Variants in GAGE10 observed in about 807,000 individuals in gnomAD.
The protein encoded by GAGE10 is G antigen 10.
In GAGE10, 9 loss-of-function variants were observed where a neutral mutation model predicts 11.5. The ratio of observed to expected loss-of-function variants is 0.78; its 90% confidence interval spans 0.47 to 1.37. The LOEUF is 1.37. Among genes scored for constraint, GAGE10 ranks in the 40% most tolerant of loss-of-function variants. GAGE10 has a pLI of 0.00. For missense variants in GAGE10, 83 were observed against 92.9 expected (o/e 0.89, Z 0.44); for synonymous variants, 23 against 29.7 (o/e 0.77, Z 0.73).
chrX:49,304,465 G>A (rs1850761115), intron 1 of GAGE10, among the ~76,000 whole-genome samples: 1 of 113,028 alleles, frequency 8.8e-6, no homozygotes, highest in African/African-American at 3.2e-5. Flanking sequence ...TGCCAGTGGG[G>A]CGCCATGGCC....
chrX:49,315,332 G>T (rs1320288062), intron 3 of GAGE10, among the ~76,000 whole-genome samples: 1 of 112,003 alleles, frequency 8.9e-6, no homozygotes, highest in Non-Finnish European at 1.9e-5. Flanking sequence ...CACAAAAATA[G>T]ACACAAATGT....
chrX:49,310,691 C>A (rs868985188), intron 3 of GAGE10, among the ~76,000 whole-genome samples: 2 of 109,663 alleles, frequency 1.8e-5, no homozygotes, highest in East Asian at 5.7e-4. Flanking sequence ...AAGTAGGGGG[C>A]CGATCAATGG....
In GAGE10 at chrX:49,317,301, T is replaced by A. The variant is rs782045267; in HGVS notation, c.328+13T>A. 8.4e-7 allele frequency: 1 copy of A among 1,197,070 alleles called. No individual in the cohort carries two copies. Among genetic ancestry groups the A allele is most frequent in the Non-Finnish European group, 1.1e-6 (1 of 885,969 alleles). ...AGGCCTGAAGAAGGTAGGGAATCCA[T>A]TAGGCATGCACATTGTAGGGTGTCT... On this transcript the variant is annotated intron_variant, in intron 4 of 4. Transcript: ENST00000407599.
Position 49,317,543 on chromosome X carries a change from T to C in GAGE10, c.328+255T>C, listed in dbSNP as rs188284351. Among the ~76,000 whole-genome samples, 639 of 111,416 alleles carry C rather than the reference T, an allele frequency of 5.7e-3. 5 individuals carry two copies. The highest frequency in any genetic ancestry group is 0.02 in the African/African-American group (612 of 30,642). On this transcript the variant is annotated intron_variant, in intron 4 of 4. Coordinates refer to ENST00000407599, the MANE Select transcript of GAGE10 (RefSeq NM_001098413.4). ...TTGTATTTTTAGTAGAGACAGGGTT[T>C]CATTATGTTGCACAGGTTGTTCCCG... is the stretch of plus-strand genomic sequence containing the variant.
At chrX:49,307,502 G>A (rs1487162161) in intron 3 of GAGE10, among the ~76,000 whole-genome samples, 10 of 106,315 alleles carry the variant, frequency 9.4e-5, no homozygotes, top group African/African-American at 3.1e-4. Flanking sequence ...TTGTTGAGAC[G>A]GAGTCTCTCT....
intron 3 of GAGE10, among the ~76,000 whole-genome samples, chrX:49,315,025 C>T (rs2066386889): frequency 8.9e-6 from 1 of 111,935 alleles, no homozygotes; most frequent in Non-Finnish European, 1.9e-5. Flanking sequence ...AAAAACAAAA[C>T]TCTATGGAGA....
chrX:49,313,157 T>C (rs1482656258), intron 3 of GAGE10, among the ~76,000 whole-genome samples: 1 of 112,352 alleles, frequency 8.9e-6, no homozygotes, highest in Admixed American at 9.4e-5. Context: ...CCTTTAACCC[T>C]AGGATCAGAC....
At chrX:49,318,918 G>C (rs1557125693) in intron 4 of GAGE10, among the ~76,000 whole-genome samples, 2 of 114,624 alleles carry the variant, frequency 1.7e-5, no homozygotes, top group East Asian at 2.7e-4. Context: ...GGGCTGCATA[G>C]TATTCCATGG....
intron 1 of GAGE10, among the ~76,000 whole-genome samples, chrX:49,304,314 TC>T (rs2066347645): frequency 8.9e-6 from 1 of 112,491 alleles, no homozygotes; most frequent in Admixed American, 9.3e-5. Context: ...GGCTGTGCGG[TC>T]CAATCAAACT....
intron 3 of GAGE10, among the ~76,000 whole-genome samples, chrX:49,311,518 G>T (rs1557124741): frequency 9.0e-6 from 1 of 111,578 alleles, no homozygotes; most frequent in East Asian, 2.8e-4. Flanking sequence ...TGGGTGCAGT[G>T]GGATTCTGCC....
intron 3 of GAGE10, among the ~76,000 whole-genome samples, chrX:49,308,804 G>A (rs374945772): frequency 9.0e-5 from 10 of 111,522 alleles, no homozygotes; most frequent in African/African-American, 2.0e-4. Flanking sequence ...GGCTCGTTTC[G>A]TCTGATGAGG....
chrX:49,309,596 G>C (rs1557124518), intron 3 of GAGE10, among the ~76,000 whole-genome samples: 1 of 112,370 alleles, frequency 8.9e-6, no homozygotes, highest in African/African-American at 3.2e-5. Context: ...AGTAAAAAGT[G>C]AAAAGTAAAA....
At chrX:49,315,875 A>G (rs1324120461) in intron 3 of GAGE10, among the ~76,000 whole-genome samples, 1 of 111,753 alleles carries the variant, frequency 8.9e-6, no homozygotes, top group Non-Finnish European at 1.9e-5. Context: ...CCTGATTATT[A>G]GGAGTATTCA....
chrX:49,317,191 A>G lies in GAGE10; in HGVS notation c.231A>G (p.Glu77=), dbSNP rs782628305. The G allele has an allele frequency of 1.7e-6, 2 of 1,206,662 alleles. No individual in the cohort carries two copies. Among genetic ancestry groups the G allele is most frequent in the Non-Finnish European group, 2.2e-6 (2 of 892,082 alleles). The change falls in exon 4 of 5, where the codon GAA becomes GAG. Residue 77 remains glutamate, a synonymous_variant. Coordinates refer to ENST00000407599, the MANE Select transcript of GAGE10 (RefSeq NM_001098413.4). The part of the protein sequence containing the change: ...QGPKPEADSQ[E]QVHPKTGCEC... ...CGAAGCCTGAAGCTGATAGCCAGGA[A>G]CAGGTTCACCCAAAGACTGGGTGTG...
At chrX:49,306,039 A>G (rs187051790) in intron 3 of GAGE10, among the ~76,000 whole-genome samples, 39 of 112,021 alleles carry the variant, frequency 3.5e-4, no homozygotes, top group African/African-American at 9.1e-4. Context: ...TATATGGTAC[A>G]TTTGATAAAA....
chrX:49,307,274 G>T (rs1199337516), intron 3 of GAGE10, among the ~76,000 whole-genome samples: 1 of 111,559 alleles, frequency 9.0e-6, no homozygotes, highest in African/African-American at 3.3e-5. Flanking sequence ...ATGCTGAATT[G>T]TTTCGATAAA....
In GAGE10 at chrX:49,317,307, A is replaced by T. The variant is rs1294140375; in HGVS notation, c.328+19A>T. 1.4e-5 allele frequency: 17 copies of T among 1,191,784 alleles called. No individual in the cohort carries two copies. The highest frequency in any genetic ancestry group is 1.9e-5 in the Non-Finnish European group (17 of 883,319). On this transcript the variant is annotated intron_variant, in intron 4 of 4. Coordinates refer to ENST00000407599, the MANE Select transcript of GAGE10 (RefSeq NM_001098413.4). Reference sequence around the variant, plus strand: ...GAAGAAGGTAGGGAATCCATTAGGCATGCACATTGTAGGGTGTCTGTTTCC... The same window carrying T: ...GAAGAAGGTAGGGAATCCATTAGGCTTGCACATTGTAGGGTGTCTGTTTCC...
intron 3 of GAGE10, among the ~76,000 whole-genome samples, chrX:49,315,667 C>T (rs782723873): frequency 8.9e-6 from 1 of 112,372 alleles, no homozygotes; most frequent in African/African-American, 3.2e-5. Flanking sequence ...GCCTAGAAAT[C>T]GATGATAATG....
intron 2 of GAGE10, among the ~76,000 whole-genome samples, 163 bp downstream of exon 2, chrX:49,305,103 C>T: frequency 8.9e-6 from 1 of 112,087 alleles, no homozygotes; most frequent in South Asian, 3.6e-4. Context: ...AATTTTTTTT[C>T]CTCTAGTGTT....
Sources: gnomAD v4.1 joint callset for allele counts (sites outside exome capture counted in the v4.1 genomes callset) on GRCh38, gnomAD v4.1.1 for gene constraint, MANE v1.5 for transcripts, NCBI Gene and HGNC (gene_info 2026-07-23, HGNC 2026-07-21) for gene names.